ADGRL2: variants seen among roughly 807,000 people sequenced by gnomAD.
The protein encoded by ADGRL2 is adhesion G protein-coupled receptor L2.
Under a neutral mutation model 157.4 loss-of-function variants are expected in ADGRL2, and 44 were observed. The observed-to-expected ratio is 0.28, with a 90% CI of 0.22 to 0.36. The LOEUF (loss-of-function observed/expected upper bound fraction) is 0.36, where lower values mean the gene tolerates loss of function less well. Among genes scored for constraint, ADGRL2 ranks in the 10% least tolerant of loss-of-function variants. ADGRL2 has a pLI of 1.00. For missense variants in ADGRL2, 1,510 were observed against 1,768.9 expected, an observed-to-expected ratio of 0.85 and a Z score of 2.63; for synonymous variants, 585 against 624.7, an observed-to-expected ratio of 0.94 and a Z score of 0.95.
chr1:81,940,236 T>C (rs1364199765), intron 4 of ADGRL2, among the ~76,000 whole-genome samples: 2 of 151,500 alleles, frequency 1.3e-5, no homozygotes, highest in Non-Finnish European at 3.0e-5. Flanking sequence ...TCAGTAAAAT[T>C]ATCCTTTCCT....
chr1:81,965,521 A>G (rs1656794343), intron 11 of ADGRL2, among the ~76,000 whole-genome samples: 1 of 152,188 alleles, frequency 6.6e-6, no homozygotes, highest in Non-Finnish European at 1.5e-5. Context: ...AGAAAAAAAA[A>G]GTATTACTGC....
rs59062091 is a variant in ADGRL2 at position 81,505,740 on chromosome 1, CAAAAAAA to C, written c.-248+60668_-248+60674del. 1.0e-3 allele frequency among the ~76,000 whole-genome samples: 86 copies of C among 85,076 alleles called. 1 individual carries two copies. Among genetic ancestry groups the C allele is most frequent in the East Asian group, 8.5e-3 (25 of 2,940 alleles). The allele number at this position is 85,076 out of a possible 152,430, so 55.8% of individuals were successfully genotyped here. A position where few individuals can be genotyped will look rare whatever the true frequency, so the allele number is the denominator to read the frequency against. Reference sequence around the variant, plus strand: ...AATAAATACCTCAGATGTCCTCCTGCAAAAAAAAAAAAAAAAAAAAAAATAGGAGGCT... The same window carrying C: ...AATAAATACCTCAGATGTCCTCCTGCAAAAAAAAAAAAAAAATAGGAGGCT... On this transcript the variant is annotated intron_variant, in intron 2 of 24. Transcript: ENST00000370721.
At chr1:81,870,886 A>C (rs1338582674) in intron 2 of ADGRL2, among the ~76,000 whole-genome samples, 1 of 151,332 alleles carries the variant, frequency 6.6e-6, no homozygotes, top group Non-Finnish European at 1.5e-5. Context: ...TCTTTACCTA[A>C]AGCATTTGTA....
intron 1 of ADGRL2, among the ~76,000 whole-genome samples, chr1:81,754,452 C>G (rs1201860176): frequency 7.0e-6 from 1 of 142,432 alleles, no homozygotes; most frequent in East Asian, 2.4e-4. Flanking sequence ...TCCTCCTCCT[C>G]CTCCTCCTCC....
At chr1:81,722,452 C>T in intron 1 of ADGRL2, 1 of 1,390,154 alleles carries the variant, frequency 7.2e-7, no homozygotes, top group Non-Finnish European at 1.0e-6. Context: ...TTTTGTATGC[C>T]AAGAGGGCCA....
intron 2 of ADGRL2, among the ~76,000 whole-genome samples, chr1:81,516,584 G>C (rs1006265900): frequency 6.6e-6 from 1 of 152,176 alleles, no homozygotes; most frequent in South Asian, 2.1e-4. Context: ...ATATTTAATT[G>C]TAAGAAATGT....
intron 2 of ADGRL2, among the ~76,000 whole-genome samples, chr1:81,498,310 A>G (rs559449618): frequency 3.9e-5 from 6 of 152,196 alleles, no homozygotes; most frequent in Non-Finnish European, 8.8e-5. Flanking sequence ...CATTATTTAT[A>G]TATACATATA....
intron 3 of ADGRL2, among the ~76,000 whole-genome samples, chr1:81,690,652 T>C (rs1013936686): frequency 8.5e-5 from 13 of 152,218 alleles, no homozygotes; most frequent in Admixed American, 2.0e-4. Context: ...TTAATATTCC[T>C]AGTTAAAAAT....
intron 1 of ADGRL2, among the ~76,000 whole-genome samples, chr1:81,329,382 A>G (rs1661121870): frequency 6.6e-6 from 1 of 152,066 alleles, no homozygotes; most frequent in African/African-American, 2.4e-5. Flanking sequence ...AGACAGACAT[A>G]TTGCTGTTTC....
chr1:81,776,866 A>G (rs1439699979), intron 2 of ADGRL2, among the ~76,000 whole-genome samples: 4 of 152,120 alleles, frequency 2.6e-5, no homozygotes, highest in Admixed American at 6.6e-5. Flanking sequence ...CATTTTTCTT[A>G]TCTATAACAT....
intron 2 of ADGRL2, among the ~76,000 whole-genome samples, chr1:81,866,556 G>C (rs546097664): frequency 2.6e-5 from 4 of 152,004 alleles, no homozygotes; most frequent in Non-Finnish European, 4.4e-5. Context: ...TTTCCTCAAA[G>C]AATGTTTAAA....
intron 3 of ADGRL2, among the ~76,000 whole-genome samples, chr1:81,605,264 G>A (rs2081410329): frequency 6.6e-6 from 1 of 152,132 alleles, no homozygotes; most frequent in Non-Finnish European, 1.5e-5. Context: ...AATTCTAAAT[G>A]TGCTTGGTGT....
At chr1:81,979,364 A>C (rs1396259394) in intron 17 of ADGRL2, among the ~76,000 whole-genome samples, 1 of 151,784 alleles carries the variant, frequency 6.6e-6, no homozygotes, top group Non-Finnish European at 1.5e-5. Flanking sequence ...TTATATAACA[A>C]ACGTTTATCA....
chr1:81,601,586 C>A (rs981329802), intron 3 of ADGRL2, among the ~76,000 whole-genome samples: 1 of 152,146 alleles, frequency 6.6e-6, no homozygotes, highest in Non-Finnish European at 1.5e-5. Flanking sequence ...TATTTCTGCC[C>A]AGGATTATGC....
chr1:81,931,434 A>T (rs1427275738), intron 3 of ADGRL2, among the ~76,000 whole-genome samples: 3 of 152,172 alleles, frequency 2.0e-5, no homozygotes, highest in Admixed American at 2.0e-4. Context: ...TTGTAGTCAG[A>T]AAGTTGCAAC....
chr1:81,317,139 G>A (rs1034712672), intron 1 of ADGRL2, among the ~76,000 whole-genome samples: 23 of 151,906 alleles, frequency 1.5e-4, no homozygotes, highest in Admixed American at 5.3e-4. Flanking sequence ...CATCTAGTGG[G>A]GTAGAAGCTA....
chr1:81,434,730 G>C (rs2077380122), intron 1 of ADGRL2, among the ~76,000 whole-genome samples: 1 of 152,172 alleles, frequency 6.6e-6, no homozygotes. Flanking sequence ...AACTGCAGCT[G>C]TCTGGGGAAG....
At chr1:81,556,479 A>G (rs995583009) in intron 2 of ADGRL2, among the ~76,000 whole-genome samples, 2 of 151,978 alleles carry the variant, frequency 1.3e-5, no homozygotes, top group African/African-American at 4.8e-5. Context: ...AGCCCAGCCT[A>G]TAATTTTTCC....
chr1:81,379,325 C>T (rs2076304597), intron 1 of ADGRL2, among the ~76,000 whole-genome samples: 1 of 152,160 alleles, frequency 6.6e-6, no homozygotes, highest in South Asian at 2.1e-4. Flanking sequence ...GTTTACAGCT[C>T]CTGAGGCCCC....
Sources: gnomAD v4.1 joint callset for allele counts (sites outside exome capture counted in the v4.1 genomes callset) on GRCh38, gnomAD v4.1.1 for gene constraint, MANE v1.5 for transcripts, NCBI Gene and HGNC (gene_info 2026-07-23, HGNC 2026-07-21) for gene names.